The following MYH9 variants were observed in gnomAD, a reference collection of about 807,000 sequenced individuals.
MYH9 encodes myosin-9.
A neutral mutation model predicts 241.9 loss-of-function variants in MYH9; 29 were observed. The observed-to-expected ratio is 0.12, with a 90% CI of 0.09 to 0.16. The LOEUF (loss-of-function observed/expected upper bound fraction) is 0.16, where lower values mean the gene tolerates loss of function less well. Among genes scored for constraint, MYH9 ranks in the 10% least tolerant of loss-of-function variants. The probability of loss-of-function intolerance (pLI) is 1.00; values close to 1 mark genes in which losing one functional copy is unlikely to be tolerated. For synonymous variants in MYH9, 1,047 were observed against 1,062.6 expected (o/e 0.99, Z 0.29); for missense variants, 1,803 against 2,595.5 (o/e 0.69, Z 6.63).
At chr22:36,377,525 C>T (rs1386272444) in intron 1 of MYH9, among the ~76,000 whole-genome samples, 4 of 151,866 alleles carry the variant, frequency 2.6e-5, no homozygotes, top group Non-Finnish European at 4.4e-5. Context: ...GCATCAATGC[C>T]GGGGGCGAGT....
chr22:36,284,520 C>T lies in MYH9; in HGVS notation c.5484-9G>A, dbSNP rs977598042. 3 of 1,611,612 alleles carry T rather than the reference C, an allele frequency of 1.9e-6. No homozygotes were observed. The highest frequency in any genetic ancestry group is 2.2e-5 in the East Asian group (1 of 44,878). ...AGGCTGCCTGGCGCTCCCTGCATGA[C>T]AGACAAGGTGGCTCAGAGGGAACAC... On this transcript the variant is annotated splice_polypyrimidine_tract_variant and intron_variant, in intron 38 of 40. Transcript: ENST00000216181.
intron 2 of MYH9, among the ~76,000 whole-genome samples, chr22:36,344,448 C>A (rs923968072): frequency 8.9e-5 from 2 of 22,582 alleles, no homozygotes; most frequent in South Asian, 5.6e-4. Context: ...TGAGGCAGCA[C>A]CTCCCCATCC....
rs535649291 is a variant in MYH9, at chr22:36,298,997, G to C, written c.3022C>G (p.Leu1008Val). 36 of 1,614,140 alleles carry C rather than the reference G, an allele frequency of 2.2e-5. No homozygotes were observed. The Admixed American group carries it at 5.8e-4, about 26-fold the overall frequency. ...EDRIAEFTTN[L>V]TEEEEKSKSL... The stretch of plus-strand genomic sequence containing the variant: ...TTAGATTTCTCCTCCTCTTCTGTGA[G>C]GTTGGTGGTGAACTCAGCTATTCTG... Residue 1008 changes from leucine (L) to valine (V), a missense_variant, in exon 24 of 41, where the codon CTC (leucine) becomes GTC (valine). By Grantham distance (32) the Leu-to-Val change is conservative. Around this residue, in one of 11 missense-constraint regions of MYH9, gnomAD observed 290 missense variants for 360.5 expected, o/e 0.80. Coordinates refer to ENST00000216181, the MANE Select transcript of MYH9 (RefSeq NM_002473.6).
intron 10 of MYH9, among the ~76,000 whole-genome samples, chr22:36,318,885 T>C (rs903800032): frequency 6.6e-6 from 1 of 152,062 alleles, no homozygotes; most frequent in Middle Eastern, 3.4e-3. Flanking sequence ...TGCCTCAACC[T>C]CCCAAGTAGC....
intron 5 of MYH9, among the ~76,000 whole-genome samples, chr22:36,324,157 C>A (rs1219289787): frequency 2.0e-5 from 3 of 152,244 alleles, no homozygotes; most frequent in Non-Finnish European, 2.9e-5. Context: ...CTGTTTGGGA[C>A]CACACGCTGT....
chr22:36,348,564 A>G (rs1057355501), intron 2 of MYH9, among the ~76,000 whole-genome samples: 3 of 152,102 alleles, frequency 2.0e-5, no homozygotes, highest in African/African-American at 2.4e-5. Context: ...AGGAATCTAC[A>G]ACATTGACCT....
At chr22:36,331,836 G>C (rs1178767663) in intron 3 of MYH9, among the ~76,000 whole-genome samples, 1 of 152,212 alleles carries the variant, frequency 6.6e-6, no homozygotes, top group Non-Finnish European at 1.5e-5. Context: ...AAATGGGTAT[G>C]GGCCAAGAAA....
At chr22:36,355,315 T>C (rs898206352) in intron 1 of MYH9, among the ~76,000 whole-genome samples, 3 of 152,190 alleles carry the variant, frequency 2.0e-5, no homozygotes, top group Non-Finnish European at 4.4e-5. Flanking sequence ...CAAAATGTAA[T>C]GCCTCAATTA....
At chr22:36,340,518 G>A (rs921237660) in intron 3 of MYH9, among the ~76,000 whole-genome samples, 13 of 151,906 alleles carry the variant, frequency 8.6e-5, no homozygotes, top group East Asian at 1.9e-4. Context: ...AAAATTAGCC[G>A]TGCATGGTGG....
chr22:36,295,671 G>A lies in MYH9; in HGVS notation c.3319C>T (p.Arg1107Trp), dbSNP rs1164923293. ...TCAGAGATCTGAGATTCCAGCTCCCGGATCTTCTTGAGGGCCATGTTCTTC... is the reference window on the plus strand; with the variant it reads ...TCAGAGATCTGAGATTCCAGCTCCCAGATCTTCTTGAGGGCCATGTTCTTC... The part of the protein sequence containing the change: ...AQKNMALKKI[R>W]ELESQISELQ... The change falls in exon 26 of 41, where the codon CGG (arginine) becomes TGG (tryptophan). Residue 1107 changes from arginine (R) to tryptophan (W), a missense_variant. By Grantham distance (101) the Arg-to-Trp change is moderately radical (BLOSUM62 -3). This residue lies in a region of MYH9 where 290 missense variants were observed against 360.5 expected (regional missense o/e 0.80). Transcript: ENST00000216181. This position sits in a 1 kb window ranked among gnomAD's most constrained non-coding sequence, Gnocchi z 4.1. 8 of 1,613,634 alleles carry A rather than the reference G, an allele frequency of 5.0e-6. No homozygotes were observed. The highest frequency in any genetic ancestry group is 1.6e-4 in the Middle Eastern group (1 of 6,082).
At position 36,320,412 on chromosome 22, in the gene MYH9, A is replaced by T; in HGVS notation, c.869-49T>A. 1 of 1,604,536 alleles carries T rather than the reference A, an allele frequency of 6.2e-7. No individual in the cohort carries two copies. Among genetic ancestry groups the T allele is most frequent in the Non-Finnish European group, 8.5e-7 (1 of 1,178,792 alleles). ...CGCCTCAGCGAGGTGCTGAAAGTGG[A>T]GGCTCCATCAGCGCTGTGACCTCAA... is the stretch of plus-strand genomic sequence containing the variant. On this transcript the variant is annotated intron_variant, in intron 8 of 40. Transcript: ENST00000216181. This position sits in a 1 kb window ranked among gnomAD's most constrained non-coding sequence, Gnocchi z 4.8.
chr22:36,318,118 C>G (rs1011795816), intron 11 of MYH9, 89 bp downstream of exon 11: 2 of 1,152,056 alleles, frequency 1.7e-6, no homozygotes, highest in Non-Finnish European at 2.6e-6. Context: ...ACACGGACAC[C>G]CCAGGATGGC....
rs190307136 is a variant in MYH9, at chr22:36,288,631, G to C, written c.4770+96C>G. The C allele has an allele frequency of 1.4e-6, 2 of 1,474,016 alleles. No individual in the cohort carries two copies. Among genetic ancestry groups the C allele is most frequent in the Non-Finnish European group, 1.9e-6 (2 of 1,067,626 alleles). The allele number at this position is 1,474,016 out of a possible 1,614,324, so 91.3% of individuals were successfully genotyped here. On this transcript the variant is annotated intron_variant, in intron 33 of 40. Coordinates refer to ENST00000216181, the MANE Select transcript of MYH9 (RefSeq NM_002473.6). This position sits in a 1 kb window ranked among gnomAD's most constrained non-coding sequence, Gnocchi z 4.8. The stretch of plus-strand genomic sequence containing the variant: ...TATGGGAGGGGAGGCGTGGTCAAGG[G>C]GCCCTAACACAATCCAGGTGGAAGG...
chr22:36,282,648 C>A lies in MYH9; in HGVS notation c.*20G>T. On this transcript the variant is annotated 3_prime_UTR_variant, in exon 41 of 41. Transcript: ENST00000216181. ...GTGGTGTCTGTCTGTCCATCCATCT[C>A]AGGCTGCAGGAGAAGAGGCTTATTC... 3.1e-6 allele frequency: 5 copies of A among 1,609,570 alleles called. No individual in the cohort carries two copies. The highest frequency in any genetic ancestry group is 4.3e-6 in the Non-Finnish European group (5 of 1,176,370).
At chr22:36,291,441 G>A (rs1288257969) in intron 31 of MYH9, among the ~76,000 whole-genome samples, 2 of 151,422 alleles carry the variant, frequency 1.3e-5, no homozygotes, top group South Asian at 2.1e-4. Context: ...GATTAAGGGC[G>A]GTGCAAGATG....
chr22:36,298,347 C>T (rs942661663), intron 24 of MYH9, among the ~76,000 whole-genome samples: 5 of 152,074 alleles, frequency 3.3e-5, no homozygotes, highest in South Asian at 2.1e-4. Flanking sequence ...CCACAGATCC[C>T]GAGGGCACAC....
In MYH9 at chr22:36,341,088, G is replaced by T. The variant is rs566069001; in HGVS notation, c.490+282C>A. ...AAGAAGGGGCCTAAAAGAAAGCAGA[G>T]GGGACAGGCACAAGAGCTCTTGAAA... On this transcript the variant is annotated intron_variant, in intron 3 of 40. Coordinates refer to ENST00000216181, the MANE Select transcript of MYH9 (RefSeq NM_002473.6). Among the ~76,000 whole-genome samples the T allele has an allele frequency of 3.3e-5, 5 of 152,322 alleles. No homozygotes were observed. In the South Asian group the frequency reaches 1.0e-3, roughly 32 times the overall value.
At chr22:36,318,129 C>T in intron 11 of MYH9, 78 bp downstream of exon 11, 1 of 1,301,148 alleles carries the variant, frequency 7.7e-7, no homozygotes, top group South Asian at 1.2e-5. Context: ...CCAGGATGGC[C>T]CACAACAGCC....
At position 36,300,190 on chromosome 22, in the gene MYH9, C is replaced by T. The variant is rs200763055; in HGVS notation, c.2913G>A (p.Ala971=). The T allele has an allele frequency of 5.1e-4, 820 of 1,613,500 alleles. 3 individuals carry two copies. Among genetic ancestry groups the T allele is most frequent in the Non-Finnish European group, 8.1e-5 (95 of 1,180,030 alleles). ...KLQLEKVTTE[A]KLKKLEEEQI... is the part of the protein sequence containing the mutation. ...GCTCCTCCTCCAGCTTTTTCAGCTT[C>T]GCCTCGGTGGTCACCTTCTCCAGCT... The change falls in exon 23 of 41, where the codon GCG becomes GCA. Residue 971 remains alanine (A), a synonymous_variant. Transcript: ENST00000216181. This position sits in a 1 kb window ranked among gnomAD's most constrained non-coding sequence, Gnocchi z 5.0.
Sources: gnomAD v4.1 joint callset for allele counts (sites outside exome capture counted in the v4.1 genomes callset) on GRCh38, gnomAD v4.1.1 for gene constraint, gnomAD v4.1.1 regional missense constraint, Gnocchi (gnomAD v3.1) non-coding constraint, MANE v1.5 for transcripts, NCBI Gene and HGNC (gene_info 2026-07-23, HGNC 2026-07-21) for gene names.